PTPRD: variants seen among roughly 807,000 people sequenced by gnomAD.
PTPRD encodes protein tyrosine phosphatase receptor type D, also known as receptor-type tyrosine-protein phosphatase delta.
PTPRD carries 34 observed loss-of-function variants against 214.5 expected under a neutral mutation model. The observed-to-expected ratio is 0.16, with a 90% CI of 0.12 to 0.21. The LOEUF (loss-of-function observed/expected upper bound fraction) is 0.21, where lower values mean the gene tolerates loss of function less well. Among genes scored for constraint, PTPRD ranks in the 10% least tolerant of loss-of-function variants. PTPRD has a pLI of 1.00. For synonymous variants in PTPRD, 1,128 were observed against 845.7 expected (o/e 1.33, Z -5.79); for missense variants, 2,545 against 2,398.7 (o/e 1.06, Z -1.27).
At chr9:10,610,876 C>A in intron 2 of PTPRD, among the ~76,000 whole-genome samples, 1 of 152,054 alleles carries the variant, frequency 6.6e-6, no homozygotes, top group East Asian at 1.9e-4. Flanking sequence ...TCTAAAACAT[C>A]TCTACTTTTT....
chr9:9,490,900 G>A (rs1025908009), intron 8 of PTPRD, among the ~76,000 whole-genome samples: 4 of 151,358 alleles, frequency 2.6e-5, no homozygotes, highest in South Asian at 4.1e-4. Context: ...ATAAATGAAC[G>A]AATTGTTTGT....
intron 22 of PTPRD, 93 bp from the exon 23 acceptor site, chr9:8,504,498 G>C (rs1043978458): frequency 7.1e-7 from 1 of 1,400,238 alleles, no homozygotes; most frequent in Non-Finnish European, 1.0e-6. Flanking sequence ...TCTATCATCA[G>C]GATTATAATC....
intron 10 of PTPRD, among the ~76,000 whole-genome samples, chr9:9,080,690 G>A (rs910674930): frequency 3.3e-5 from 5 of 152,006 alleles, no homozygotes; most frequent in South Asian, 4.1e-4. Flanking sequence ...TCTAAACTGT[G>A]TACTACATTG....
chr9:10,516,109 G>T (rs1168712870), intron 2 of PTPRD, among the ~76,000 whole-genome samples: 1 of 151,814 alleles, frequency 6.6e-6, no homozygotes, highest in African/African-American at 2.4e-5. Flanking sequence ...GGATTGATGG[G>T]TCATATGGTA....
chr9:10,372,425 T>C (rs930369825), intron 2 of PTPRD, among the ~76,000 whole-genome samples: 15 of 152,086 alleles, frequency 9.9e-5, no homozygotes, highest in African/African-American at 3.4e-4. Flanking sequence ...AATTCAGGAC[T>C]TTGGATAGTC....
chr9:10,353,834 T>C (rs2154460242), intron 2 of PTPRD, among the ~76,000 whole-genome samples: 1 of 152,118 alleles, frequency 6.6e-6, no homozygotes, highest in East Asian at 1.9e-4. Context: ...TAAAATTTTT[T>C]CCATGTTGCT....
chr9:8,982,048 C>G (rs1435126096), intron 11 of PTPRD, among the ~76,000 whole-genome samples: 1 of 151,438 alleles, frequency 6.6e-6, no homozygotes, highest in Non-Finnish European at 1.5e-5. Flanking sequence ...TTAATAGGGA[C>G]AAAAGTAAGA....
In PTPRD at chr9:9,001,317, A is replaced by G. The variant is rs993005664; in HGVS notation, c.-104+17380T>C. Among the ~76,000 whole-genome samples the G allele has an allele frequency of 5.3e-5, 8 of 152,124 alleles. No individual in the cohort carries two copies. The East Asian group carries it at 9.7e-4, about 18-fold the overall frequency. ...CTTTGAGCTATCTGTGCATTTGTGAATTAAATATTACTTTTCGTCTTGTAT... is the reference window on the plus strand; with the variant it reads ...CTTTGAGCTATCTGTGCATTTGTGAGTTAAATATTACTTTTCGTCTTGTAT... On this transcript the variant is annotated intron_variant, in intron 11 of 45. Transcript: ENST00000381196.
chr9:10,398,919 C>A (rs2098223118), intron 2 of PTPRD, among the ~76,000 whole-genome samples: 1 of 151,918 alleles, frequency 6.6e-6, no homozygotes, highest in African/African-American at 2.4e-5. Flanking sequence ...GGATCTGAGG[C>A]TTTAGGCTAT....
intron 8 of PTPRD, among the ~76,000 whole-genome samples, chr9:9,537,251 T>C (rs1004319627): frequency 1.3e-5 from 2 of 151,948 alleles, no homozygotes; most frequent in South Asian, 4.1e-4. Flanking sequence ...TTTTTTATTT[T>C]TATAGAAAAA....
At chr9:10,145,629 G>T (rs949863938) in intron 3 of PTPRD, among the ~76,000 whole-genome samples, 4 of 152,072 alleles carry the variant, frequency 2.6e-5, no homozygotes, top group Non-Finnish European at 5.9e-5. Context: ...AGTTTTGGGG[G>T]AGTAAAAACT....
chr9:10,201,961 C>G (rs2099428039), intron 3 of PTPRD, among the ~76,000 whole-genome samples: 1 of 151,802 alleles, frequency 6.6e-6, no homozygotes, highest in Admixed American at 6.6e-5. Flanking sequence ...CAGGCCACGT[C>G]TGAATTATTG....
At chr9:9,138,961 C>T (rs12683183) in intron 10 of PTPRD, among the ~76,000 whole-genome samples, 1 of 151,696 alleles carries the variant, frequency 6.6e-6, no homozygotes, top group Non-Finnish European at 1.5e-5. Flanking sequence ...ATAATAGTTA[C>T]AGTAATCTTC....
chr9:9,802,098 G>C (rs1234889925), intron 5 of PTPRD, among the ~76,000 whole-genome samples: 1 of 151,972 alleles, frequency 6.6e-6, no homozygotes, highest in Non-Finnish European at 1.5e-5. Context: ...AGTTGCTTAA[G>C]GTTTATTAGA....
intron 7 of PTPRD, among the ~76,000 whole-genome samples, chr9:9,718,354 A>G (rs1036674367): frequency 6.6e-6 from 1 of 152,216 alleles, no homozygotes; most frequent in Non-Finnish European, 1.5e-5. Context: ...GCAGAAGCCC[A>G]TCTAGAGTGG....
At chr9:8,516,863 G>A (rs1438522300) in intron 21 of PTPRD, among the ~76,000 whole-genome samples, 1 of 145,358 alleles carries the variant, frequency 6.9e-6, no homozygotes, top group Non-Finnish European at 1.5e-5. Flanking sequence ...GAGTGTAGTG[G>A]TACAATCTTA....
chr9:8,733,458 C>T (rs1263858335), intron 12 of PTPRD, among the ~76,000 whole-genome samples: 3 of 152,086 alleles, frequency 2.0e-5, no homozygotes, highest in Non-Finnish European at 4.4e-5. Flanking sequence ...ATTGGCACCA[C>T]CAACTGGTTA....
intron 14 of PTPRD, among the ~76,000 whole-genome samples, chr9:8,630,355 T>A (rs1033553189): frequency 2.6e-5 from 4 of 151,834 alleles, no homozygotes; most frequent in African/African-American, 9.7e-5. Flanking sequence ...TAGCTATTCA[T>A]GATGTTCAAA....
intron 6 of PTPRD, among the ~76,000 whole-genome samples, chr9:9,741,566 A>G (rs62534711): frequency 0.022 from 3,328 of 152,218 alleles, 74 homozygotes; most frequent in Non-Finnish European, 0.034. Context: ...TCAACCCATC[A>G]TCTACATTAG....
Sources: gnomAD v4.1 joint callset for allele counts (sites outside exome capture counted in the v4.1 genomes callset) on GRCh38, gnomAD v4.1.1 for gene constraint, MANE v1.5 for transcripts, NCBI Gene and HGNC (gene_info 2026-07-23, HGNC 2026-07-21) for gene names.